Variants in MEIS2 observed in about 807,000 individuals in gnomAD.
The protein encoded by MEIS2 is Meis homeobox 2, also known as homeobox protein Meis2.
A neutral mutation model predicts 58.6 loss-of-function variants in MEIS2; 9 were observed. The ratio of observed to expected loss-of-function variants is 0.15; its 90% CI spans 0.09 to 0.27. MEIS2 has a LOEUF of 0.27. Among genes scored for constraint, MEIS2 ranks in the 10% least tolerant of loss-of-function variants. The pLI is 1.00. For missense variants in MEIS2, 427 were observed against 635.0 expected (o/e 0.67, Z 3.52); for synonymous variants, 221 against 228.4 (o/e 0.97, Z 0.29).
intron 7 of MEIS2, among the ~76,000 whole-genome samples, chr15:37,046,461 T>A (rs1476937002): frequency 6.6e-6 from 1 of 151,808 alleles, no homozygotes; most frequent in Non-Finnish European, 1.5e-5. Context: ...AAGTGGTGGG[T>A]GAAAAAAAAA....
chr15:37,048,953 C>G (rs1022760124), intron 7 of MEIS2, among the ~76,000 whole-genome samples: 3 of 152,086 alleles, frequency 2.0e-5, no homozygotes, highest in African/African-American at 7.2e-5. Flanking sequence ...TTTCAAAGAA[C>G]ATTTTCATAC....
chr15:36,952,271 A>G (rs1172884523), intron 8 of MEIS2, among the ~76,000 whole-genome samples: 1 of 152,116 alleles, frequency 6.6e-6, no homozygotes, highest in Non-Finnish European at 1.5e-5. Context: ...AAAAAATGTA[A>G]AAATCCTTTC....
At chr15:37,083,644 G>A in intron 7 of MEIS2, 127 bp downstream of exon 7, 1 of 598,938 alleles carries the variant, frequency 1.7e-6, no homozygotes, top group Non-Finnish European at 2.8e-6. Context: ...TCTTTAAATA[G>A]CAGCTGATTC....
At chr15:36,898,120 A>G (rs1567022517) in intron 9 of MEIS2, 1 of 152,258 alleles carries the variant, frequency 6.6e-6, no homozygotes, top group Non-Finnish European at 1.5e-5. Flanking sequence ...TTGTCAAAAA[A>G]GAAAGTGATC....
chr15:37,072,776 C>A (rs537727673), intron 7 of MEIS2, among the ~76,000 whole-genome samples: 1 of 152,160 alleles, frequency 6.6e-6, no homozygotes, highest in South Asian at 2.1e-4. Flanking sequence ...GTGCTGCACC[C>A]ATTAACTCGT....
chr15:37,095,434 T>A lies in MEIS2; in HGVS notation c.438+130A>T, dbSNP rs1894108404. On this transcript the variant is annotated intron_variant, in intron 4 of 11. Coordinates refer to ENST00000561208, the MANE Select transcript of MEIS2 (RefSeq NM_170675.5). ...GTGCGGGGGCTCTAAGCTGCTCCCTTCCTCCCTCTCTCCCTAGAGCTCCAA... is the reference window on the plus strand; with the variant it reads ...GTGCGGGGGCTCTAAGCTGCTCCCTACCTCCCTCTCTCCCTAGAGCTCCAA... 2.8e-6 allele frequency: 4 copies of A among 1,412,918 alleles called. No individual in the cohort carries two copies. The African/African-American group carries it at 4.3e-5, about 15-fold the overall frequency. 87.5% of individuals were successfully genotyped at this position (1,412,918 alleles called of 1,614,324 possible).
At chr15:37,045,484 A>AAAG (rs148506859) in intron 7 of MEIS2, among the ~76,000 whole-genome samples, 139 of 147,206 alleles carry the variant, frequency 9.4e-4, no homozygotes, top group African/African-American at 2.7e-3. Flanking sequence ...AGATTAAAAA[A>AAAG]AAGAAGAAGA....
At chr15:37,044,911 A>T (rs2062597974) in intron 7 of MEIS2, among the ~76,000 whole-genome samples, 1 of 152,208 alleles carries the variant, frequency 6.6e-6, no homozygotes, top group Non-Finnish European at 1.5e-5. Flanking sequence ...GTTTGATATC[A>T]AGAGCCTCTA....
At chr15:37,010,985 G>A (rs2061130422) in intron 8 of MEIS2, among the ~76,000 whole-genome samples, 1 of 152,104 alleles carries the variant, frequency 6.6e-6, no homozygotes, top group African/African-American at 2.4e-5. Flanking sequence ...TTTAGCTTCA[G>A]GTTTAGCCAC....
intron 7 of MEIS2, among the ~76,000 whole-genome samples, chr15:37,069,780 C>G (rs983255101): frequency 1.3e-5 from 2 of 152,148 alleles, no homozygotes; most frequent in Non-Finnish European, 2.9e-5. Context: ...GCAACCAGTT[C>G]TAATATTTGC....
At chr15:36,908,941 A>AAAT (rs570250317) in intron 9 of MEIS2, among the ~76,000 whole-genome samples, 94 of 152,068 alleles carry the variant, frequency 6.2e-4, no homozygotes, top group East Asian at 9.6e-4. Context: ...CTCCATCTCA[A>AAAT]AATAATAATA....
At chr15:36,986,305 C>G (rs2060091160) in intron 8 of MEIS2, among the ~76,000 whole-genome samples, 1 of 152,228 alleles carries the variant, frequency 6.6e-6, no homozygotes, top group African/African-American at 2.4e-5. Context: ...CTTTAGTACT[C>G]TGCTTTCAGA....
chr15:37,000,861 G>C (rs2060699155), intron 8 of MEIS2, among the ~76,000 whole-genome samples: 1 of 152,066 alleles, frequency 6.6e-6, no homozygotes, highest in Non-Finnish European at 1.5e-5. Context: ...CCCAAGCTAG[G>C]ATCCTCTCTA....
chr15:36,900,974 G>C (rs1452223930), intron 9 of MEIS2: 3 of 152,152 alleles, frequency 2.0e-5, no homozygotes, highest in Admixed American at 6.5e-5. Flanking sequence ...CCTTTTGTTA[G>C]AAAGTGCAGG....
intron 8 of MEIS2, among the ~76,000 whole-genome samples, chr15:37,016,674 C>A (rs566551800): frequency 1.3e-5 from 2 of 152,202 alleles, no homozygotes; most frequent in African/African-American, 4.8e-5. Flanking sequence ...GGAACTTTTG[C>A]CTTTAACTAA....
intron 8 of MEIS2, among the ~76,000 whole-genome samples, chr15:37,035,124 C>T (rs530754543): frequency 2.6e-5 from 4 of 152,314 alleles, no homozygotes; most frequent in African/African-American, 9.6e-5. Context: ...AACAGGTGAG[C>T]TGGTCAGGAG....
chr15:36,894,862 G>T, intron 11 of MEIS2: 1 of 1,410,474 alleles, frequency 7.1e-7, no homozygotes, highest in South Asian at 1.2e-5. Context: ...AGCAATAATT[G>T]ATGGTGAAAA....
chr15:37,011,956 T>C (rs2061175426), intron 8 of MEIS2, among the ~76,000 whole-genome samples: 1 of 152,074 alleles, frequency 6.6e-6, no homozygotes, highest in Admixed American at 6.6e-5. Flanking sequence ...TGAATAAAGA[T>C]AGTTGTGGCT....
chr15:37,075,878 T>G (rs1250090103), intron 7 of MEIS2, among the ~76,000 whole-genome samples: 1 of 151,698 alleles, frequency 6.6e-6, no homozygotes, highest in East Asian at 1.9e-4. Context: ...AAGGACACAC[T>G]CCCTCTAGGT....
Sources: gnomAD v4.1 joint callset for allele counts (sites outside exome capture counted in the v4.1 genomes callset) on GRCh38, gnomAD v4.1.1 for gene constraint, MANE v1.5 for transcripts, NCBI Gene and HGNC (gene_info 2026-07-23, HGNC 2026-07-21) for gene names.